Variants in DIAPH2 observed in about 807,000 individuals in gnomAD.
DIAPH2 encodes the protein protein diaphanous homolog 2.
DIAPH2 carries 35 observed loss-of-function variants against 92.7 expected under a neutral mutation model. The ratio of observed to expected loss-of-function variants is 0.38; its 90% CI spans 0.29 to 0.50. The LOEUF is 0.50. DIAPH2 is among the 20% of genes least tolerant of loss of function. The pLI, the probability that DIAPH2 is intolerant of heterozygous loss-of-function variation, is 0.94. For missense variants in DIAPH2, 701 were observed against 819.5 expected (o/e 0.86, Z 1.77); for synonymous variants, 301 against 280.4 (o/e 1.07, Z -0.73).
chrX:97,259,853 G>A (rs753287264), intron 23 of DIAPH2, among the ~76,000 whole-genome samples: 17 of 112,075 alleles, frequency 1.5e-4, no homozygotes, highest in African/African-American at 5.2e-4. Flanking sequence ...TGTTTGAGAC[G>A]GAGTCTCACT....
intron 4 of DIAPH2, among the ~76,000 whole-genome samples, chrX:96,850,952 A>T (rs2065002546): frequency 9.0e-6 from 1 of 111,654 alleles, no homozygotes; most frequent in African/African-American, 3.3e-5. Context: ...TGGAGTAAAG[A>T]TTTTGCCTAG....
At chrX:97,252,338 A>G (rs1434932106) in intron 23 of DIAPH2, among the ~76,000 whole-genome samples, 3 of 111,807 alleles carry the variant, frequency 2.7e-5, no homozygotes, top group Non-Finnish European at 5.6e-5. Flanking sequence ...AAGAGCTGAC[A>G]GAATGTTAAT....
chrX:97,234,061 C>T (rs770545130), intron 22 of DIAPH2, among the ~76,000 whole-genome samples: 11 of 109,813 alleles, frequency 1.0e-4, no homozygotes, highest in Admixed American at 3.9e-4. Flanking sequence ...CAGTGGCTCA[C>T]GCCTGTAATC....
intron 23 of DIAPH2, among the ~76,000 whole-genome samples, chrX:97,285,279 C>T (rs767764056): frequency 1.9e-5 from 2 of 107,077 alleles, no homozygotes; most frequent in Non-Finnish European, 3.8e-5. Flanking sequence ...GTGGCTCATG[C>T]CTGTAATCCC....
At chrX:97,516,290 C>CTATTG (rs2070947802) in intron 26 of DIAPH2, among the ~76,000 whole-genome samples, 1 of 111,211 alleles carries the variant, frequency 9.0e-6, no homozygotes, top group East Asian at 2.8e-4. Flanking sequence ...GCCATAAGGC[C>CTATTG]ATGAATGTAC....
intron 21 of DIAPH2, among the ~76,000 whole-genome samples, chrX:97,125,828 G>T (rs2067090500): frequency 8.9e-6 from 1 of 112,176 alleles, no homozygotes; most frequent in Non-Finnish European, 1.9e-5. Flanking sequence ...GTTAATGGTT[G>T]AATAGTATAA....
intron 23 of DIAPH2, among the ~76,000 whole-genome samples, chrX:97,252,450 A>G (rs759900354): frequency 1.8e-5 from 2 of 112,053 alleles, no homozygotes; most frequent in East Asian, 5.6e-4. Flanking sequence ...GAGAAGGCAC[A>G]TTATCCTTTC....
At chrX:97,112,765 C>CTTTCTTTTTTTTTTT (rs2066989802) in intron 20 of DIAPH2, among the ~76,000 whole-genome samples, 3 of 37,236 alleles carry the variant, frequency 8.1e-5, no homozygotes, top group African/African-American at 3.6e-4. Context: ...CCCTTTCTTT[C>CTTTCTTTTTTTTTTT]TTTTTTTTTT....
intron 24 of DIAPH2, among the ~76,000 whole-genome samples, chrX:97,383,505 TATGTCTTCTC>T (rs2069570370): frequency 9.2e-6 from 1 of 109,190 alleles, no homozygotes; most frequent in African/African-American, 3.3e-5. Flanking sequence ...ATTTCCTTAC[TATGTCTTCTC>T]ATGTGTCAAA....
intron 26 of DIAPH2, among the ~76,000 whole-genome samples, chrX:97,499,543 T>A (rs2070780897): frequency 8.9e-6 from 1 of 111,743 alleles, no homozygotes; most frequent in Non-Finnish European, 1.9e-5. Flanking sequence ...ATTTGGAGAT[T>A]TCTCAGAGAA....
intron 23 of DIAPH2, among the ~76,000 whole-genome samples, chrX:97,298,871 G>A (rs962394233): frequency 9.0e-6 from 1 of 110,680 alleles, no homozygotes; most frequent in Non-Finnish European, 1.9e-5. Context: ...GCCCGCCTCC[G>A]CCTCCCAAAG....
At chrX:96,954,614 T>G (rs2065798192) in intron 15 of DIAPH2, among the ~76,000 whole-genome samples, 1 of 112,302 alleles carries the variant, frequency 8.9e-6, no homozygotes, top group Non-Finnish European at 1.9e-5. Context: ...AAGAACCACA[T>G]TGAAATTCTA....
At chrX:96,863,257 TTG>T (rs1331247204) in intron 4 of DIAPH2, among the ~76,000 whole-genome samples, 1 of 107,328 alleles carries the variant, frequency 9.3e-6, no homozygotes, top group Admixed American at 1.0e-4. Context: ...TTTTTTTTTT[TTG>T]GTTCTACATT....
At chrX:96,886,461 T>C (rs2065262986) in intron 5 of DIAPH2, among the ~76,000 whole-genome samples, 1 of 111,180 alleles carries the variant, frequency 9.0e-6, no homozygotes, top group South Asian at 3.8e-4. Context: ...GAAAATGGCC[T>C]GTGTCAGTGG....
At chrX:96,774,139 G>C (rs1028666800) in intron 4 of DIAPH2, among the ~76,000 whole-genome samples, 2 of 111,877 alleles carry the variant, frequency 1.8e-5, no homozygotes, top group Non-Finnish European at 3.8e-5. Context: ...GATTAGGAAA[G>C]TGTGGCTTAG....
intron 26 of DIAPH2, among the ~76,000 whole-genome samples, chrX:97,507,846 C>T (rs1325352092): frequency 2.7e-5 from 3 of 111,230 alleles, no homozygotes; most frequent in African/African-American, 9.8e-5. Flanking sequence ...TGATAGAATA[C>T]TGGGGATGGA....
chrX:97,461,307 A>T (rs924754298), intron 26 of DIAPH2, among the ~76,000 whole-genome samples: 18 of 111,051 alleles, frequency 1.6e-4, no homozygotes, highest in Non-Finnish European at 3.4e-4. Flanking sequence ...CACACACAAG[A>T]GTAAATGTTA....
At chrX:97,013,787 C>T (rs2066242634) in intron 17 of DIAPH2, among the ~76,000 whole-genome samples, 1 of 112,095 alleles carries the variant, frequency 8.9e-6, no homozygotes, top group African/African-American at 3.2e-5. Flanking sequence ...GGCACCTGGA[C>T]ATGGCACTGG....
intron 5 of DIAPH2, among the ~76,000 whole-genome samples, chrX:96,902,678 A>G (rs2065406081): frequency 8.9e-6 from 1 of 111,758 alleles, no homozygotes; most frequent in African/African-American, 3.2e-5. Flanking sequence ...ATAAAAATAA[A>G]TATAAATTTA....
Sources: allele counts gnomAD v4.1 joint callset (sites outside exome capture counted in the v4.1 genomes callset), GRCh38; gene constraint gnomAD v4.1.1; transcripts MANE v1.5; gene names NCBI Gene and HGNC (gene_info 2026-07-23, HGNC 2026-07-21).